CACNA2D1: variants seen among roughly 807,000 people sequenced by gnomAD.
The protein encoded by CACNA2D1 is voltage-dependent calcium channel subunit alpha-2/delta-1.
In CACNA2D1, 53 loss-of-function variants were observed where a neutral mutation model predicts 171.5. The observed-to-expected ratio is 0.31, with a 90% confidence interval of 0.25 to 0.39. The LOEUF (loss-of-function observed/expected upper bound fraction) is 0.39. Ranked by LOEUF, CACNA2D1 falls within the 10% of genes least tolerant of loss-of-function variation. CACNA2D1 has a pLI of 1.00. For missense variants in CACNA2D1, 903 were observed against 1,299.8 expected (o/e 0.69, Z 4.69); for synonymous variants, 442 against 443.1 (o/e 1.00, Z 0.03).
At chr7:81,984,591 A>G (rs1290145780) in intron 22 of CACNA2D1, 44 bp downstream of exon 22, 1 of 1,000,800 alleles carries the variant, frequency 1.0e-6, no homozygotes, top group African/African-American at 1.6e-5. Flanking sequence ...ATCTGATACT[A>G]GGAGATAACA....
chr7:82,291,492 AT>A (rs541880792), intron 3 of CACNA2D1, among the ~76,000 whole-genome samples: 3,215 of 134,234 alleles, frequency 0.024, 109 homozygotes, highest in East Asian at 0.096. Context: ...TATTATATAT[AT>A]TTTTATATAT....
chr7:82,142,973 C>G (rs956020596), intron 4 of CACNA2D1, among the ~76,000 whole-genome samples: 1 of 152,084 alleles, frequency 6.6e-6, no homozygotes, highest in Non-Finnish European at 1.5e-5. Flanking sequence ...GGGATGAGTT[C>G]AACCAACAGC....
chr7:82,148,065 A>G (rs1175260073), intron 4 of CACNA2D1, among the ~76,000 whole-genome samples: 1 of 152,204 alleles, frequency 6.6e-6, no homozygotes, highest in Non-Finnish European at 1.5e-5. Flanking sequence ...GGTTTAATTT[A>G]TATATTAGGC....
chr7:81,951,972 T>TTTTTTTTTTTTTTGTTGTTG (rs2129966761), intron 38 of CACNA2D1, among the ~76,000 whole-genome samples: 1 of 146,034 alleles, frequency 6.8e-6, no homozygotes, highest in African/African-American at 2.5e-5. Context: ...ACAAAGTGTT[T>TTTTTTTTTTTTTTGTTGTTG]TTTTTTTTTT....
At chr7:82,114,252 C>T (rs1199041212) in intron 6 of CACNA2D1, among the ~76,000 whole-genome samples, 1 of 152,110 alleles carries the variant, frequency 6.6e-6, no homozygotes, top group East Asian at 1.9e-4. Flanking sequence ...TTTGTTCTAG[C>T]ATACAACAGA....
chr7:82,414,429 T>TA (rs766800766), intron 1 of CACNA2D1, among the ~76,000 whole-genome samples: 3 of 152,080 alleles, frequency 2.0e-5, no homozygotes, highest in Non-Finnish European at 4.4e-5. Flanking sequence ...CCCACACACA[T>TA]ATTACAGAAG....
intron 3 of CACNA2D1, among the ~76,000 whole-genome samples, chr7:82,237,872 T>A (rs933402940): frequency 6.6e-6 from 1 of 151,978 alleles, no homozygotes; most frequent in African/African-American, 2.4e-5. Context: ...GTAGCTTACC[T>A]AAAATCTAAA....
chr7:82,426,224 T>C (rs1396736554), intron 1 of CACNA2D1, among the ~76,000 whole-genome samples: 1 of 152,190 alleles, frequency 6.6e-6, no homozygotes, highest in African/African-American at 2.4e-5. Context: ...GAACCTTAAA[T>C]TAGTCATCAG....
intron 3 of CACNA2D1, among the ~76,000 whole-genome samples, chr7:82,285,147 C>G (rs1212215579): frequency 6.6e-6 from 1 of 152,060 alleles, no homozygotes; most frequent in African/African-American, 2.4e-5. Flanking sequence ...CCCCTCTTCC[C>G]AGGAGCTCCC....
chr7:81,971,877 A>G lies in CACNA2D1; in HGVS notation c.2054-13T>C, dbSNP rs779720903. 11 of 1,506,608 alleles carry G rather than the reference A, an allele frequency of 7.3e-6. No homozygotes were observed. The highest frequency in any genetic ancestry group is 8.3e-6 in the Non-Finnish European group (9 of 1,083,416). The allele number at this position is 1,506,608 out of a possible 1,614,324, so 93.3% of individuals were successfully genotyped here. ...AAATCCGCGTTACCTAACACAGAAAAAGATCATCAGTTACACTCACATTTC... is the reference window on the plus strand; with the variant it reads ...AAATCCGCGTTACCTAACACAGAAAGAGATCATCAGTTACACTCACATTTC... On this transcript the variant is annotated splice_polypyrimidine_tract_variant and intron_variant, in intron 25 of 38. Coordinates refer to ENST00000356860, the MANE Select transcript of CACNA2D1 (RefSeq NM_000722.4).
chr7:82,007,819 A>C, intron 15 of CACNA2D1, 63 bp from the exon 16 acceptor site: 1 of 939,040 alleles, frequency 1.1e-6, no homozygotes. Context: ...GTCAGAGTGC[A>C]CTAACCTTTG....
intron 3 of CACNA2D1, among the ~76,000 whole-genome samples, chr7:82,299,292 T>A (rs2129423637): frequency 6.6e-6 from 1 of 152,254 alleles, no homozygotes; most frequent in East Asian, 1.9e-4. Context: ...ACTTTTACTT[T>A]CTCATTATTG....
chr7:82,312,795 A>G (rs945982149), intron 3 of CACNA2D1, among the ~76,000 whole-genome samples: 1 of 152,018 alleles, frequency 6.6e-6, no homozygotes, highest in African/African-American at 2.4e-5. Context: ...CGGCCTCCCA[A>G]AGTACTAGGA....
chr7:82,041,498 G>T (rs931646128), intron 10 of CACNA2D1, among the ~76,000 whole-genome samples: 2 of 151,708 alleles, frequency 1.3e-5, no homozygotes, highest in African/African-American at 4.8e-5. Context: ...GAGAAGGAAG[G>T]CTTAGAGAAA....
intron 20 of CACNA2D1, among the ~76,000 whole-genome samples, chr7:81,992,814 A>T (rs1797685881): frequency 6.6e-6 from 1 of 152,196 alleles, no homozygotes; most frequent in South Asian, 2.1e-4. Context: ...TAAAAAAGTC[A>T]TTATTCAGTA....
intron 38 of CACNA2D1, among the ~76,000 whole-genome samples, chr7:81,955,978 ATAT>A (rs1324902755): frequency 2.4e-4 from 12 of 49,228 alleles, no homozygotes; most frequent in African/African-American, 3.3e-4. Context: ...ATATATATAT[ATAT>A]TTTTTTTTTT....
At chr7:81,981,919 A>T (rs1796476763) in intron 24 of CACNA2D1, among the ~76,000 whole-genome samples, 1 of 152,182 alleles carries the variant, frequency 6.6e-6, no homozygotes, top group Non-Finnish European at 1.5e-5. Flanking sequence ...AAAAAAATCC[A>T]TTATTATGTT....
At chr7:82,141,048 C>A (rs1229387520) in intron 4 of CACNA2D1, among the ~76,000 whole-genome samples, 2 of 150,050 alleles carry the variant, frequency 1.3e-5, no homozygotes, top group Non-Finnish European at 3.0e-5. Flanking sequence ...ACAATTTCAA[C>A]TATAATTTTG....
intron 6 of CACNA2D1, among the ~76,000 whole-genome samples, chr7:82,089,538 A>G (rs373887405): frequency 6.6e-6 from 1 of 152,224 alleles, no homozygotes; most frequent in East Asian, 1.9e-4. Context: ...TAATCGATTC[A>G]GAAAGCCAAG....
Sources: gnomAD v4.1 joint callset for allele counts (sites outside exome capture counted in the v4.1 genomes callset) on GRCh38, gnomAD v4.1.1 for gene constraint, MANE v1.5 for transcripts, NCBI Gene and HGNC (gene_info 2026-07-23, HGNC 2026-07-21) for gene names.